CCDC158: variants seen among roughly 807,000 people sequenced by gnomAD.
The protein encoded by CCDC158 is coiled-coil domain containing 158, also known as coiled-coil domain-containing protein 158.
A neutral mutation model predicts 138.6 loss-of-function variants in CCDC158; 116 were observed. The observed-to-expected ratio is 0.84, with a 90% CI of 0.72 to 0.98. The LOEUF (loss-of-function observed/expected upper bound fraction) is 0.98, where lower values mean the gene tolerates loss of function less well. Ranked by LOEUF, CCDC158 falls within the 50% of genes least tolerant of loss-of-function variation. The pLI is 0.00. For missense variants in CCDC158, 1,265 were observed against 1,306.1 expected, an observed-to-expected ratio of 0.97 and a Z score of 0.48; for synonymous variants, 436 against 442.4, an observed-to-expected ratio of 0.99 and a Z score of 0.18.
intron 3 of CCDC158, among the ~76,000 whole-genome samples, chr4:76,397,788 A>C (rs1162173027): frequency 6.6e-6 from 1 of 152,240 alleles, no homozygotes; most frequent in Non-Finnish European, 1.5e-5. Flanking sequence ...AGCTTTAGCC[A>C]CTGAAAGGTC....
intron 18 of CCDC158, among the ~76,000 whole-genome samples, chr4:76,334,691 G>A (rs1293065463): frequency 6.6e-6 from 1 of 152,120 alleles, no homozygotes; most frequent in Non-Finnish European, 1.5e-5. Flanking sequence ...GATTGATAGT[G>A]TACCCCAATA....
At chr4:76,417,322 T>C (rs1231242382) in intron 1 of CCDC158, among the ~76,000 whole-genome samples, 1 of 152,214 alleles carries the variant, frequency 6.6e-6, no homozygotes. Flanking sequence ...TACAGGCTCA[T>C]AGCCAGAAGG....
chr4:76,376,194 C>T (rs987480383), intron 9 of CCDC158, among the ~76,000 whole-genome samples: 16 of 152,082 alleles, frequency 1.1e-4, no homozygotes, highest in Non-Finnish European at 2.1e-4. Context: ...GCGAGAACTA[C>T]AGGCGCACGC....
intron 9 of CCDC158, chr4:76,375,448 T>G: frequency 1.8e-6 from 1 of 568,670 alleles, no homozygotes; most frequent in Non-Finnish European, 3.1e-6. Context: ...GGCGGTGCAT[T>G]GGCAGAACTA....
At chr4:76,313,735 T>C (rs1254487912) in intron 24 of CCDC158, among the ~76,000 whole-genome samples, 1 of 152,216 alleles carries the variant, frequency 6.6e-6, no homozygotes, top group Non-Finnish European at 1.5e-5. Context: ...GCCCAAGAGG[T>C]CATTACCATA....
Position 76,331,371 on chromosome 4 carries a change from C to T in CCDC158, c.2915G>A (p.Gly972Glu). 6.2e-7 allele frequency: 1 copy of T among 1,613,908 alleles called. No individual in the cohort carries two copies. The highest frequency in any genetic ancestry group is 8.5e-7 in the Non-Finnish European group (1 of 1,179,874). Residue 972 changes from glycine to glutamate, a missense_variant, in exon 21 of 25, where the codon GGA (glycine) becomes GAA (glutamate). Transcript: ENST00000682701. ...SNNSLRDSTEGSKSSETLSRE... is the reference protein window; with the variant it reads ...SNNSLRDSTEESKSSETLSRE... ...ACTAAGAGTTTCACTTGATTTGCTT[C>T]CTTCAGTGGAGTCCCTCAACGAGTT...
At chr4:76,323,202 CA>C (rs1211041441) in intron 24 of CCDC158, 99 bp downstream of exon 24, 2 of 773,338 alleles carry the variant, frequency 2.6e-6, no homozygotes, top group Non-Finnish European at 2.1e-6. Flanking sequence ...GTTGTTAATT[CA>C]ATACCCTTTC....
At chr4:76,315,533 A>C (rs1000534035) in intron 24 of CCDC158, among the ~76,000 whole-genome samples, 6 of 152,212 alleles carry the variant, frequency 3.9e-5, no homozygotes, top group African/African-American at 1.4e-4. Context: ...TCATGATAGA[A>C]ATGATAGAAT....
rs1246011694 is a variant in CCDC158 at position 76,384,274 on chromosome 4, A to G, written c.540T>C (p.Leu180=). ...TTTCTTGAAGCACTCCCTCATGACT[A>G]AGCATCATTTTTCGTAGTTGCTCTA... is the stretch of plus-strand genomic sequence containing the variant. The part of the protein sequence containing the change: ...TQIEQLRKMM[L]SHEGVLQEIR... Residue 180 remains leucine (L), a synonymous_variant, in exon 6 of 25, where the codon CTT becomes CTC. Coordinates refer to ENST00000682701, the MANE Select transcript of CCDC158 (RefSeq NM_001394954.1). 1.2e-6 allele frequency: 2 copies of G among 1,614,020 alleles called. No homozygotes were observed. The highest frequency in any genetic ancestry group is 1.3e-5 in the African/African-American group (1 of 74,912).
chr4:76,397,080 T>A (rs1727889848), intron 3 of CCDC158, among the ~76,000 whole-genome samples: 1 of 152,206 alleles, frequency 6.6e-6, no homozygotes, highest in East Asian at 1.9e-4. Context: ...GGTGGTGGTT[T>A]TAAAATATGT....
intron 9 of CCDC158, among the ~76,000 whole-genome samples, chr4:76,374,384 A>G (rs1005804703): frequency 1.3e-5 from 2 of 152,246 alleles, no homozygotes; most frequent in Non-Finnish European, 2.9e-5. Context: ...TTACTGTTAC[A>G]CAATTATGTT....
chr4:76,313,917 AT>A (rs775888069), intron 24 of CCDC158, among the ~76,000 whole-genome samples: 3 of 152,238 alleles, frequency 2.0e-5, no homozygotes, highest in Non-Finnish European at 2.9e-5. Context: ...ATTTACTAGT[AT>A]TTCATTATAC....
chr4:76,415,378 T>C (rs1315191416), intron 1 of CCDC158, among the ~76,000 whole-genome samples: 1 of 152,084 alleles, frequency 6.6e-6, no homozygotes, highest in Non-Finnish European at 1.5e-5. Flanking sequence ...AGCCTGACTA[T>C]GTGATAGAAA....
intron 22 of CCDC158, among the ~76,000 whole-genome samples, chr4:76,328,539 T>G (rs1294983024): frequency 6.6e-6 from 1 of 152,190 alleles, no homozygotes; most frequent in African/African-American, 2.4e-5. Context: ...TCACCTTGGC[T>G]TCTCAAAGTG....
chr4:76,385,793 A>G (rs576936310), intron 4 of CCDC158, among the ~76,000 whole-genome samples: 1 of 152,322 alleles, frequency 6.6e-6, no homozygotes, highest in African/African-American at 2.4e-5. Context: ...AGGTGAATGA[A>G]AAAAAACAAA....
intron 4 of CCDC158, among the ~76,000 whole-genome samples, chr4:76,386,924 T>C (rs928634253): frequency 6.6e-6 from 1 of 151,972 alleles, no homozygotes; most frequent in Non-Finnish European, 1.5e-5. Context: ...AGAACTCGAG[T>C]TTCTCAGCAA....
At chr4:76,330,211 A>G (rs1472902405) in intron 21 of CCDC158, among the ~76,000 whole-genome samples, 4 of 152,044 alleles carry the variant, frequency 2.6e-5, no homozygotes, top group Admixed American at 6.5e-5. Context: ...GGTCATAAAC[A>G]CGGGCTCAGG....
At chr4:76,414,172 G>A (rs1287163663) in intron 1 of CCDC158, 1 of 152,172 alleles carries the variant, frequency 6.6e-6, no homozygotes, top group Non-Finnish European at 1.5e-5. Flanking sequence ...GCCTCCCAAA[G>A]TGCTAGGACA....
chr4:76,351,980 C>T lies in CCDC158; in HGVS notation c.2446-168G>A, dbSNP rs1578943169. The T allele has an allele frequency of 7.4e-6, 4 of 539,332 alleles. No homozygotes were observed. In the East Asian group the frequency reaches 9.1e-5, roughly 12 times the overall value. The allele number at this position is 539,332 out of a possible 1,614,324, so 33.4% of individuals were successfully genotyped here. ...GTTTTATTTAGTGAACTGTGAGCAA[C>T]TGGAGGCCATGTTTTTATCCTCTAT... is the stretch of plus-strand genomic sequence containing the variant. On this transcript the variant is annotated intron_variant, in intron 16 of 24. Coordinates refer to ENST00000682701, the MANE Select transcript of CCDC158 (RefSeq NM_001394954.1).
Sources: gnomAD v4.1 joint callset for allele counts (sites outside exome capture counted in the v4.1 genomes callset) on GRCh38, gnomAD v4.1.1 for gene constraint, MANE v1.5 for transcripts, NCBI Gene and HGNC (gene_info 2026-07-23, HGNC 2026-07-21) for gene names.